Variants in RANBP9 observed in about 807,000 individuals in gnomAD.
The protein encoded by RANBP9 is ran-binding protein 9.
A neutral mutation model predicts 84.3 loss-of-function variants in RANBP9; 15 were observed. The ratio of observed to expected loss-of-function variants is 0.18; its 90% CI spans 0.12 to 0.27. The LOEUF is 0.27. RANBP9 is among the 10% of genes least tolerant of loss of function. The probability of loss-of-function intolerance (pLI) is 1.00; values close to 1 mark genes in which losing one functional copy is unlikely to be tolerated. For missense variants in RANBP9, 809 were observed against 912.8 expected (o/e 0.89, Z 1.46); for synonymous variants, 392 against 349.6 (o/e 1.12, Z -1.35).
At chr6:13,663,976 A>G (rs1279873150) in intron 2 of RANBP9, among the ~76,000 whole-genome samples, 3 of 152,118 alleles carry the variant, frequency 2.0e-5, no homozygotes, top group Non-Finnish European at 4.4e-5. Context: ...AAAAAGCAAG[A>G]AGGCCAGTGC....
intron 2 of RANBP9, among the ~76,000 whole-genome samples, chr6:13,695,956 G>C (rs957680614): frequency 6.6e-6 from 1 of 151,192 alleles, no homozygotes; most frequent in African/African-American, 2.5e-5. Flanking sequence ...AGCTCAATAA[G>C]CTTTGTCTTG....
intron 1 of RANBP9, 73 bp downstream of exon 1, chr6:13,710,862 C>A: frequency 1.4e-6 from 2 of 1,466,676 alleles, no homozygotes; most frequent in South Asian, 2.5e-5. Context: ...GGGGGCGGGT[C>A]GAGAGCGGCG....
intron 1 of RANBP9, among the ~76,000 whole-genome samples, chr6:13,704,962 C>T (rs574178329): frequency 1.8e-4 from 28 of 152,278 alleles, no homozygotes; most frequent in East Asian, 9.6e-4. Flanking sequence ...TATTTTATGT[C>T]CTCTGAGCTC....
intron 5 of RANBP9, among the ~76,000 whole-genome samples, chr6:13,646,266 G>A (rs1381877897): frequency 6.6e-6 from 1 of 152,090 alleles, no homozygotes; most frequent in Non-Finnish European, 1.5e-5. Flanking sequence ...AAAATTAGCT[G>A]GGTGTGGTGG....
chr6:13,630,910 A>C (rs1283080542), intron 12 of RANBP9, among the ~76,000 whole-genome samples: 1 of 152,020 alleles, frequency 6.6e-6, no homozygotes, highest in Non-Finnish European at 1.5e-5. Flanking sequence ...CCTGGGTTCA[A>C]GTGATTCTCC....
chr6:13,666,312 A>G (rs1373150833), intron 2 of RANBP9, among the ~76,000 whole-genome samples: 2 of 152,180 alleles, frequency 1.3e-5, no homozygotes, highest in African/African-American at 4.8e-5. Flanking sequence ...CCGCTATATC[A>G]TGACATACGA....
At chr6:13,659,257 TACACACACACACACACACACACAC>T in intron 2 of RANBP9, among the ~76,000 whole-genome samples, 1 of 130,668 alleles carries the variant, frequency 7.7e-6, no homozygotes, top group Admixed American at 7.4e-5. Context: ...CACACACACA[TACACACACACACACACACACACAC>T]ACACACACAC....
chr6:13,625,028 C>G (rs993985698), intron 13 of RANBP9, among the ~76,000 whole-genome samples: 1 of 152,186 alleles, frequency 6.6e-6, no homozygotes, highest in Non-Finnish European at 1.5e-5. Flanking sequence ...AGCTAGGAAT[C>G]CTGCCCTCTA....
Position 13,632,413 on chromosome 6 carries a change from C to T in RANBP9, c.1904G>A (p.Arg635Lys). 6.2e-7 allele frequency: 1 copy of T among 1,613,932 alleles called. No homozygotes were observed. The highest frequency in any genetic ancestry group is 8.5e-7 in the Non-Finnish European group (1 of 1,179,938). Residue 635 changes from arginine (R) to lysine (K), a missense_variant, in exon 12 of 14, where the codon AGG (arginine) becomes AAG (lysine). Physicochemically the swap from Arg to Lys is conservative, Grantham distance 26. Coordinates refer to ENST00000011619, the MANE Select transcript of RANBP9 (RefSeq NM_005493.3). ...RELQAMSEQL[R>K]RDCGKNTANK... ...TGCAGTGTTCTTGCCACAGTCTCTC[C>T]TTAGCTGTTCACTCATTGCTTGCAG...
chr6:13,658,748 G>T (rs767742984), intron 3 of RANBP9, 32 bp downstream of exon 3: 1 of 1,506,740 alleles, frequency 6.6e-7, no homozygotes, highest in Non-Finnish European at 9.2e-7. Context: ...CTACTCATAA[G>T]ACATAATACT....
chr6:13,674,768 C>T (rs1313088852), intron 2 of RANBP9, among the ~76,000 whole-genome samples: 2 of 152,218 alleles, frequency 1.3e-5, no homozygotes, highest in African/African-American at 4.8e-5. Context: ...TAGGCAGCTG[C>T]CTTTGCTCAC....
intron 1 of RANBP9, among the ~76,000 whole-genome samples, chr6:13,700,493 T>C (rs879710614): frequency 4.0e-5 from 6 of 151,222 alleles, no homozygotes; most frequent in Admixed American, 1.3e-4. Flanking sequence ...CCTGAGTAGG[T>C]AGGTCCTACT....
intron 12 of RANBP9, among the ~76,000 whole-genome samples, chr6:13,629,835 A>T (rs1764723866): frequency 6.6e-6 from 1 of 152,076 alleles, no homozygotes; most frequent in Non-Finnish European, 1.5e-5. Context: ...CAAGAGAAAC[A>T]GTGTGCCACC....
intron 2 of RANBP9, among the ~76,000 whole-genome samples, chr6:13,677,119 T>C (rs115089101): frequency 0.051 from 7,828 of 152,092 alleles, 294 homozygotes; most frequent in Admixed American, 0.13. Context: ...ATCAAAGAAT[T>C]GACAGAAAAA....
chr6:13,624,122 G>A (rs758408212), intron 13 of RANBP9, among the ~76,000 whole-genome samples: 1 of 152,086 alleles, frequency 6.6e-6, no homozygotes, highest in Non-Finnish European at 1.5e-5. Context: ...ATTAACCAAA[G>A]AAAATTCACA....
chr6:13,633,071 G>C (rs1764838163), intron 11 of RANBP9, among the ~76,000 whole-genome samples: 1 of 150,636 alleles, frequency 6.6e-6, no homozygotes, highest in African/African-American at 2.4e-5. Context: ...CTCACACTCT[G>C]TCACCCAAGC....
chr6:13,660,455 G>A (rs1040018853), intron 2 of RANBP9, among the ~76,000 whole-genome samples: 1 of 152,158 alleles, frequency 6.6e-6, no homozygotes, highest in Non-Finnish European at 1.5e-5. Context: ...GCTGCAGTGA[G>A]ACATGAATGA....
At chr6:13,687,712 C>T (rs944629757) in intron 2 of RANBP9, among the ~76,000 whole-genome samples, 2 of 152,158 alleles carry the variant, frequency 1.3e-5, no homozygotes, top group African/African-American at 2.4e-5. Flanking sequence ...TCCTCTACAA[C>T]CCCACCACAC....
intron 1 of RANBP9, among the ~76,000 whole-genome samples, chr6:13,706,369 A>G (rs893742495): frequency 2.6e-5 from 4 of 151,216 alleles, no homozygotes; most frequent in African/African-American, 7.3e-5. Context: ...AGTTCAACCT[A>G]TTTGGTTATT....
Sources: allele counts gnomAD v4.1 joint callset (sites outside exome capture counted in the v4.1 genomes callset), GRCh38; gene constraint gnomAD v4.1.1; transcripts MANE v1.5; gene names NCBI Gene and HGNC (gene_info 2026-07-23, HGNC 2026-07-21).